Variants in DIS3L2 observed in about 807,000 individuals in gnomAD.
DIS3L2 encodes the protein DIS3-like exonuclease 2.
A neutral mutation model predicts 97.5 loss-of-function variants in DIS3L2; 34 were observed. That is an observed-to-expected ratio of 0.35 (90% confidence interval 0.27 to 0.46). The LOEUF is 0.46. DIS3L2 is among the 20% of genes least tolerant of loss of function. The pLI, the probability that DIS3L2 is intolerant of heterozygous loss-of-function variation, is 1.00. For missense variants in DIS3L2, 1,038 were observed against 1,146.0 expected (o/e 0.91, Z 1.36); for synonymous variants, 435 against 445.2 (o/e 0.98, Z 0.29).
At chr2:232,052,975 G>C (rs1314613001) in intron 5 of DIS3L2, among the ~76,000 whole-genome samples, 1 of 152,202 alleles carries the variant, frequency 6.6e-6, no homozygotes, top group Non-Finnish European at 1.5e-5. Context: ...TACCTGTTCT[G>C]CGTTAGGCAC....
chr2:232,057,092 A>G (rs1007202442), intron 5 of DIS3L2, among the ~76,000 whole-genome samples: 4 of 152,230 alleles, frequency 2.6e-5, no homozygotes, highest in African/African-American at 9.6e-5. Context: ...GAATGGATCA[A>G]CTACAGCAAT....
chr2:232,340,592 C>T (rs1396549788), downstream of DIS3L2: 4 of 434,692 alleles, frequency 9.2e-6, no homozygotes, highest in Admixed American at 5.0e-5. Flanking sequence ...CTACAGCCCT[C>T]GTGCCCAGGC....
Position 232,221,328 on chromosome 2 carries a change from G to A in DIS3L2, c.1204+10923G>A, listed in dbSNP as rs548521949. Among the ~76,000 whole-genome samples the A allele has an allele frequency of 5.6e-4, 86 of 152,294 alleles. 2 individuals carry two copies. The South Asian group carries it at 0.017, about 30-fold the overall frequency. On this transcript the variant is annotated intron_variant, in intron 10 of 20. Coordinates refer to ENST00000325385, the MANE Select transcript of DIS3L2 (RefSeq NM_152383.5). Reference sequence around the variant, plus strand: ...TAAGCTACATATGTTTATGTTTCCAGCAGCTAACAGATTAAACTTTCCTAA... The same window carrying A: ...TAAGCTACATATGTTTATGTTTCCAACAGCTAACAGATTAAACTTTCCTAA...
intron 9 of DIS3L2, among the ~76,000 whole-genome samples, chr2:232,200,001 A>G (rs1287631853): frequency 6.6e-6 from 1 of 152,270 alleles, no homozygotes; most frequent in Admixed American, 6.5e-5. Context: ...CACTCGAACT[A>G]TATACCCATA....
rs566203306 is a variant in DIS3L2, at chr2:232,183,028, G to A, written c.1124+19396G>A. On this transcript the variant is annotated intron_variant, in intron 9 of 20. Coordinates refer to ENST00000325385, the MANE Select transcript of DIS3L2 (RefSeq NM_152383.5). ...CCCCAAATTATAGTTTAGGAAGGCA[G>A]TTAAGTCAAGGGTAGAGCCCTCATG... Among the ~76,000 whole-genome samples, 873 of 152,302 alleles carry A rather than the reference G, an allele frequency of 5.7e-3. 3 individuals are homozygous for A. The highest frequency in any genetic ancestry group is 9.5e-3 in the African/African-American group (393 of 41,562).
chr2:232,329,787 C>CCGGGGGGCG, intron 14 of DIS3L2, 26 bp from the exon 15 acceptor site: 16 of 1,062,202 alleles, frequency 1.5e-5, no homozygotes, highest in Non-Finnish European at 1.8e-5. Flanking sequence ...CCCAGCGGTC[C>CCGGGGGGCG]CTCCCATCCC....
At chr2:232,278,665 G>A (rs193060791) in intron 13 of DIS3L2, among the ~76,000 whole-genome samples, 2 of 152,318 alleles carry the variant, frequency 1.3e-5, no homozygotes, top group Admixed American at 1.3e-4. Context: ...TTTTGTTGCA[G>A]AGTAGTATTC....
Position 232,336,682 on chromosome 2 carries a change from G to A in DIS3L2, c.*52G>A. The A allele has an allele frequency of 2.5e-6, 4 of 1,574,776 alleles. No homozygotes were observed. Among genetic ancestry groups the A allele is most frequent in the Non-Finnish European group, 3.4e-6 (4 of 1,165,342 alleles). ...CCCCGCCTGCCTGTCCCGCCACACT[G>A]GCTTTAGGACCTGTTGACACGGAGG... is the stretch of plus-strand genomic sequence containing the variant. On this transcript the variant is annotated 3_prime_UTR_variant, in exon 21 of 21. Transcript: ENST00000325385.
At chr2:232,104,190 G>A (rs2106326345) in intron 6 of DIS3L2, among the ~76,000 whole-genome samples, 1 of 152,286 alleles carries the variant, frequency 6.6e-6, no homozygotes, top group East Asian at 1.9e-4. Context: ...ATAGAGGTCT[G>A]TGAACTGGAA....
At position 232,033,603 on chromosome 2, in the gene DIS3L2, G is replaced by A. The variant is rs535437485; in HGVS notation, c.366+3523G>A. Among the ~76,000 whole-genome samples, 16 of 152,236 alleles carry A rather than the reference G, an allele frequency of 1.1e-4. No individual in the cohort carries two copies. The East Asian group carries it at 1.5e-3, about 15-fold the overall frequency. ...GCCCATTCAGTATGATATTGGCTAT[G>A]GGTTTGTCATAAATAGCTCTTACTA... On this transcript the variant is annotated intron_variant, in intron 5 of 20. Coordinates refer to ENST00000325385, the MANE Select transcript of DIS3L2 (RefSeq NM_152383.5).
chr2:232,323,489 C>T (rs1257294590), intron 14 of DIS3L2, among the ~76,000 whole-genome samples: 2 of 152,166 alleles, frequency 1.3e-5, no homozygotes, highest in East Asian at 1.9e-4. Context: ...TGTCTGGCTA[C>T]AGCAGGGGCC....
chr2:232,183,512 T>A (rs1042998685), intron 9 of DIS3L2, among the ~76,000 whole-genome samples: 7 of 152,374 alleles, frequency 4.6e-5, no homozygotes, highest in Non-Finnish European at 7.3e-5. Context: ...CAGCCAGAAG[T>A]AAGAGTGTAA....
intron 9 of DIS3L2, among the ~76,000 whole-genome samples, chr2:232,204,647 G>A (rs2106210988): frequency 6.6e-6 from 1 of 152,274 alleles, no homozygotes; most frequent in Non-Finnish European, 1.5e-5. Flanking sequence ...TGGTCTCACA[G>A]GTTCTAAAAG....
In DIS3L2 at chr2:232,147,234, G is replaced by A. The variant is rs567324276; in HGVS notation, c.950+10515G>A. 3.3e-5 allele frequency among the ~76,000 whole-genome samples: 5 copies of A among 152,240 alleles called. No individual in the cohort carries two copies. In the East Asian group the frequency reaches 9.6e-4, roughly 29 times the overall value. ...GATCCTCCCACCTCAGCCTCCCAAA[G>A]TGCTGGGATTACAGGCGTGAGCTAG... On this transcript the variant is annotated intron_variant, in intron 8 of 20. Coordinates refer to ENST00000325385, the MANE Select transcript of DIS3L2 (RefSeq NM_152383.5).
chr2:232,188,546 C>T (rs560149668), intron 9 of DIS3L2, among the ~76,000 whole-genome samples: 1 of 152,180 alleles, frequency 6.6e-6, no homozygotes, highest in African/African-American at 2.4e-5. Flanking sequence ...GAACTTCGAT[C>T]TAAACCTCAT....
chr2:232,155,456 A>G (rs1341342659), intron 8 of DIS3L2, among the ~76,000 whole-genome samples: 1 of 152,144 alleles, frequency 6.6e-6, no homozygotes, highest in East Asian at 1.9e-4. Flanking sequence ...GCTTATGAGA[A>G]CTATATTCCC....
chr2:231,976,459 C>G (rs1693096599), intron 1 of DIS3L2, among the ~76,000 whole-genome samples: 1 of 151,832 alleles, frequency 6.6e-6, no homozygotes, highest in Middle Eastern at 3.2e-3. Context: ...AAACCTGTTT[C>G]TACCAAAAAT....
At chr2:232,144,006 T>G (rs530319215) in intron 8 of DIS3L2, among the ~76,000 whole-genome samples, 4 of 152,312 alleles carry the variant, frequency 2.6e-5, no homozygotes, top group Admixed American at 6.5e-5. Context: ...TTTTTTCATT[T>G]AACATGTTTC....
chr2:232,297,092 C>G (rs1341528711), intron 13 of DIS3L2, among the ~76,000 whole-genome samples: 1 of 152,216 alleles, frequency 6.6e-6, no homozygotes, highest in Non-Finnish European at 1.5e-5. Context: ...TGTCTCTTAG[C>G]TGTCTCCAAC....
Sources: allele counts gnomAD v4.1 joint callset (sites outside exome capture counted in the v4.1 genomes callset), GRCh38; gene constraint gnomAD v4.1.1; transcripts MANE v1.5; gene names NCBI Gene and HGNC (gene_info 2026-07-23, HGNC 2026-07-21).